Variants in FAM120B observed in about 807,000 individuals in gnomAD.
FAM120B encodes the protein family with sequence similarity 120 member B.
A neutral mutation model predicts 96.3 loss-of-function variants in FAM120B; 83 were observed. The ratio of observed to expected loss-of-function variants is 0.86; its 90% CI spans 0.72 to 1.03. The LOEUF is 1.03. Ranked by LOEUF, FAM120B falls within the 50% of genes least tolerant of loss-of-function variation. FAM120B has a pLI of 0.00. For missense variants in FAM120B, 1,027 were observed against 1,121.2 expected (o/e 0.92, Z 1.20); for synonymous variants, 407 against 402.7 (o/e 1.01, Z -0.13).
chr6:170,361,242 A>ATATATATATATATATG (rs1374958889), intron 6 of FAM120B, among the ~76,000 whole-genome samples: 3 of 130,046 alleles, frequency 2.3e-5, no homozygotes, highest in African/African-American at 6.5e-5. Context: ...ATATACACGT[A>ATATATATATATATATG]TATATATATA....
At chr6:170,362,396 G>A (rs1788514205) in intron 6 of FAM120B, among the ~76,000 whole-genome samples, 1 of 152,196 alleles carries the variant, frequency 6.6e-6, no homozygotes, top group Non-Finnish European at 1.5e-5. Context: ...CAGTCAGTGG[G>A]CATACCATGT....
At chr6:170,344,111 C>T (rs1351723754) in intron 4 of FAM120B, among the ~76,000 whole-genome samples, 2 of 126,884 alleles carry the variant, frequency 1.6e-5, no homozygotes, top group African/African-American at 6.2e-5. Context: ...TCACCTGCAC[C>T]GTTGCCTGCG....
intron 5 of FAM120B, among the ~76,000 whole-genome samples, chr6:170,348,960 C>G (rs1244410657): frequency 6.6e-6 from 1 of 152,138 alleles, no homozygotes; most frequent in East Asian, 1.9e-4. Context: ...TAGGCTCACT[C>G]GACAAGGTGG....
chr6:170,334,209 C>T (rs1786262860), intron 4 of FAM120B, among the ~76,000 whole-genome samples: 1 of 152,200 alleles, frequency 6.6e-6, no homozygotes, highest in Non-Finnish European at 1.5e-5. Context: ...GCACACATCT[C>T]ATTGGTAATT....
intron 9 of FAM120B, among the ~76,000 whole-genome samples, chr6:170,403,132 C>CATTCT (rs1242952920): frequency 4.6e-5 from 7 of 152,340 alleles, no homozygotes; most frequent in Admixed American, 4.6e-4. Flanking sequence ...ATTTCATTTG[C>CATTCT]ATTCTGCCTT....
Position 170,388,774 on chromosome 6 carries a change from T to C in FAM120B, c.2490+281T>C, listed in dbSNP as rs557460740. 2.0e-5 allele frequency among the ~76,000 whole-genome samples: 3 copies of C among 152,314 alleles called. No homozygotes were observed. The East Asian group carries it at 5.8e-4, about 29-fold the overall frequency. Reference sequence around the variant, plus strand: ...GCATATACAGTTGATCCTTGAACAATGCAAGGGTTAAGGGCTCCAAATCCT... The same window carrying C: ...GCATATACAGTTGATCCTTGAACAACGCAAGGGTTAAGGGCTCCAAATCCT... On this transcript the variant is annotated intron_variant, in intron 7 of 10. Transcript: ENST00000476287.
At chr6:170,365,160 A>C (rs1426462204) in intron 6 of FAM120B, among the ~76,000 whole-genome samples, 1 of 152,230 alleles carries the variant, frequency 6.6e-6, no homozygotes, top group Non-Finnish European at 1.5e-5. Flanking sequence ...CACTTTACCC[A>C]CATGGAATTG....
intron 7 of FAM120B, among the ~76,000 whole-genome samples, chr6:170,390,596 G>T (rs1002329807): frequency 4.6e-5 from 7 of 151,176 alleles, no homozygotes; most frequent in Non-Finnish European, 1.0e-4. Context: ...TTTGTTTTTT[G>T]TTTTTTTTCT....
In FAM120B at chr6:170,402,638, C is replaced by T. The variant is rs532101431; in HGVS notation, c.2693-1912C>T. Reference sequence around the variant, plus strand: ...CCCGGGCTCTGCGGAGCCCACAGCCCTCCAGAAAAAGGAGGAGACAGTTGG... The same window carrying T: ...CCCGGGCTCTGCGGAGCCCACAGCCTTCCAGAAAAAGGAGGAGACAGTTGG... On this transcript the variant is annotated intron_variant, in intron 9 of 10. Coordinates refer to ENST00000476287, the MANE Select transcript of FAM120B (RefSeq NM_032448.3). Among the ~76,000 whole-genome samples the T allele has an allele frequency of 1.3e-3, 193 of 152,326 alleles. 1 individual carries two copies. The highest frequency in any genetic ancestry group is 4.4e-3 in the African/African-American group (184 of 41,568).
intron 3 of FAM120B, 33 bp downstream of exon 3, chr6:170,323,292 T>C (rs1467561922): frequency 1.3e-6 from 2 of 1,574,594 alleles, no homozygotes; most frequent in African/African-American, 2.7e-5. Flanking sequence ...TAGTAAAGGT[T>C]CTATTTGGAG....
Position 170,295,494 on chromosome 6 carries a change from G to C in FAM120B, c.48+41G>C, listed in dbSNP as rs1411178570. 4.3e-6 allele frequency: 3 copies of C among 693,348 alleles called. No individual in the cohort carries two copies. The highest frequency in any genetic ancestry group is 3.6e-5 in the African/African-American group (2 of 56,076). 42.9% of individuals were successfully genotyped at this position (693,348 alleles called of 1,614,324 possible). A position where few individuals can be genotyped will look rare whatever the true frequency, so the allele number is the denominator to read the frequency against. ...GTGCACACAAGGCGCGCGGCCCCCA[G>C]GCAGCCGCGCTTCCACAGCGGGCAG... is the stretch of plus-strand genomic sequence containing the variant. On this transcript the variant is annotated intron_variant, in intron 1 of 10. Coordinates refer to the FAM120B transcript ENST00000537664. The surrounding 1 kb of genome is among the most constrained non-coding windows in gnomAD (Gnocchi z 7.8).
chr6:170,351,409 A>G (rs1787570924), intron 5 of FAM120B, among the ~76,000 whole-genome samples: 1 of 152,218 alleles, frequency 6.6e-6, no homozygotes, highest in Non-Finnish European at 1.5e-5. Flanking sequence ...TCAACCTAGC[A>G]AGATAGGCCA....
At chr6:170,388,097 A>G (rs966985316) in intron 6 of FAM120B, among the ~76,000 whole-genome samples, 190 bp from the exon 7 acceptor site, 1 of 152,150 alleles carries the variant, frequency 6.6e-6, no homozygotes, top group African/African-American at 2.4e-5. Flanking sequence ...CTGTCAGCTG[A>G]GGTTGTTTCC....
upstream of FAM120B, chr6:170,306,527 T>C (rs745994512): frequency 3.3e-5 from 5 of 152,236 alleles, no homozygotes; most frequent in Non-Finnish European, 7.3e-5. Context: ...GGCAGCTACC[T>C]GACTGCGCGA....
At chr6:170,316,855 C>G (rs890583430) in intron 1 of FAM120B, among the ~76,000 whole-genome samples, 1 of 152,222 alleles carries the variant, frequency 6.6e-6, no homozygotes, top group Non-Finnish European at 1.5e-5. Context: ...AACCACTGAT[C>G]TGTTTTCTGT....
upstream of FAM120B, among the ~76,000 whole-genome samples, chr6:170,294,840 A>G (rs994143644): frequency 1.3e-5 from 2 of 152,188 alleles, no homozygotes; most frequent in Non-Finnish European, 2.9e-5. This position sits in a 1 kb window ranked among gnomAD's most constrained non-coding sequence, Gnocchi z 7.9. Flanking sequence ...GTTTTCTCAG[A>G]CCAACTGAAT....
intron 2 of FAM120B, among the ~76,000 whole-genome samples, chr6:170,321,613 A>G (rs1176954434): frequency 1.3e-5 from 2 of 152,146 alleles, no homozygotes; most frequent in Non-Finnish European, 2.9e-5. Context: ...TCCTGACCTC[A>G]AGTGATCCAC....
chr6:170,341,058 C>T (rs536221494), intron 4 of FAM120B, among the ~76,000 whole-genome samples: 3 of 152,232 alleles, frequency 2.0e-5, no homozygotes, highest in Non-Finnish European at 4.4e-5. Context: ...CTGCTCTCTG[C>T]AGAGCCGTCA....
At chr6:170,341,109 G>GC (rs1362274577) in intron 4 of FAM120B, among the ~76,000 whole-genome samples, 2 of 152,238 alleles carry the variant, frequency 1.3e-5, no homozygotes, top group East Asian at 3.8e-4. Flanking sequence ...ACCCACAGCA[G>GC]CCCCCTTCCC....
Sources: gnomAD v4.1 joint callset for allele counts (sites outside exome capture counted in the v4.1 genomes callset) on GRCh38, gnomAD v4.1.1 for gene constraint, Gnocchi (gnomAD v3.1) non-coding constraint, MANE v1.5 for transcripts, NCBI Gene and HGNC (gene_info 2026-07-23, HGNC 2026-07-21) for gene names.